The following SURF6 variants were observed in gnomAD, a reference collection of about 807,000 sequenced individuals.
SURF6 encodes the protein surfeit locus protein 6.
SURF6 carries 28 observed loss-of-function variants against 37.5 expected under a neutral mutation model. That is an observed-to-expected ratio of 0.75 (90% CI 0.55 to 1.02). The LOEUF (loss-of-function observed/expected upper bound fraction) is 1.02. Among genes scored for constraint, SURF6 ranks in the 50% least tolerant of loss-of-function variants. The pLI, the probability that SURF6 is intolerant of heterozygous loss-of-function variation, is 0.00. For missense variants in SURF6, 560 were observed against 490.5 expected, an observed-to-expected ratio of 1.14 and a Z score of -1.34; for synonymous variants, 248 against 210.9, an observed-to-expected ratio of 1.18 and a Z score of -1.52.
rs935231442 is a variant in SURF6, at chr9:133,331,993, C to T, written c.962G>A (p.Arg321His). 10 of 1,598,726 alleles carry T rather than the reference C, an allele frequency of 6.3e-6. No individual in the cohort carries two copies. Among genetic ancestry groups the T allele is most frequent in the Non-Finnish European group, 8.5e-6 (10 of 1,178,878 alleles). Residue 321 changes from arginine (R) to histidine (H), a missense_variant, in exon 5 of 5, where the codon CGC becomes CAC. Transcript: ENST00000372022. The stretch of plus-strand genomic sequence containing the variant: ...CAGGTTCTGCCGCCGCCGGTCCTGG[C>T]GCTGCTGCATCTTCTCCACCACGCC... ...TAGVVEKMQQ[R>H]QDRRRQNLRR... is the part of the protein sequence containing the mutation.
chr9:133,329,825 C>A lies in SURF6; in HGVS notation c.*2044G>T, dbSNP rs1034283532. The stretch of plus-strand genomic sequence containing the variant: ...TTGCCTCGGCGCCTGGGTGGCTTGC[C>A]GCCCACAGGTATTTGGTAACTTCCC... On this transcript the variant is annotated 3_prime_UTR_variant, in exon 5 of 5. Transcript: ENST00000372022. 2 of 152,156 alleles carry A rather than the reference C, an allele frequency of 1.3e-5. No individual in the cohort carries two copies. Among genetic ancestry groups the A allele is most frequent in the Admixed American group, 1.3e-4 (2 of 15,278 alleles). The allele number at this position is 152,156 out of a possible 1,614,324, so 9.4% of individuals were successfully genotyped here. A position where few individuals can be genotyped will look rare whatever the true frequency, so the allele number is the denominator to read the frequency against.
rs1444852605 is a variant in SURF6, at chr9:133,331,500, G to A, written c.*369C>T. On this transcript the variant is annotated 3_prime_UTR_variant, in exon 5 of 5. Transcript: ENST00000372022. ...AGCAGAGGCCACCGTCTTCTGTCCC[G>A]TGGCTCCTGCGAACACAGGCAGTGG... The A allele has an allele frequency of 1.8e-5, 4 of 226,106 alleles. No homozygotes were observed. The highest frequency in any genetic ancestry group is 9.1e-5 in the East Asian group (1 of 11,046). 14.0% of individuals were successfully genotyped at this position (226,106 alleles called of 1,614,324 possible).
chr9:133,335,613 T>C (rs1271775015), intron 1 of SURF6, among the ~76,000 whole-genome samples: 2 of 149,982 alleles, frequency 1.3e-5, no homozygotes, highest in African/African-American at 4.9e-5. Context: ...CCCTCTGCCA[T>C]CCTCCTCCTC....
In SURF6 at chr9:133,329,571, CTT is replaced by C. The variant is rs2129903251; in HGVS notation, c.*2296_*2297del. ...CCGGGCATAACAGAAGGCTCGCACT[CTT>C]GTCTTCTGGTCACACCTATGTCCCC... On this transcript the variant is annotated 3_prime_UTR_variant, in exon 5 of 5. Transcript: ENST00000372022. 13 of 163,992 alleles carry C rather than the reference CTT, an allele frequency of 7.9e-5. No homozygotes were observed. Among genetic ancestry groups the C allele is most frequent in the African/African-American group, 2.9e-4 (12 of 41,780 alleles). 10.2% of individuals were successfully genotyped at this position (163,992 alleles called of 1,614,324 possible). A position where few individuals can be genotyped will look rare whatever the true frequency, so the allele number is the denominator to read the frequency against.
rs1835653457 is a variant in SURF6, at chr9:133,328,998, T to TGC, written c.*2870_*2871insGC. The stretch of plus-strand genomic sequence containing the variant: ...TAGTGGCCCCGAATGTCTGGCTGCA[T>TGC]TGTTATTTATTGGATACAAAGCAAA... On this transcript the variant is annotated 3_prime_UTR_variant, in exon 5 of 5. Coordinates refer to ENST00000372022, the MANE Select transcript of SURF6 (RefSeq NM_006753.6). The TGC allele has an allele frequency of 6.5e-6, 1 of 154,516 alleles. No homozygotes were observed. The highest frequency in any genetic ancestry group is 2.4e-5 in the African/African-American group (1 of 41,456). 9.6% of individuals were successfully genotyped at this position (154,516 alleles called of 1,614,324 possible). A position where few individuals can be genotyped will look rare whatever the true frequency, so the allele number is the denominator to read the frequency against.
rs1365584708 is a variant in SURF6, at chr9:133,331,782, G to A, written c.*87C>T. 1.4e-6 allele frequency: 2 copies of A among 1,450,296 alleles called. No homozygotes were observed. Among genetic ancestry groups the A allele is most frequent in the South Asian group, 1.5e-5 (1 of 67,690 alleles). 89.8% of individuals were successfully genotyped at this position (1,450,296 alleles called of 1,614,324 possible). ...ACATGGAGAGGCCGAGGTCTGTGGA[G>A]ATCCTGGGACAGAGCCAGCGTCAAG... is the stretch of plus-strand genomic sequence containing the variant. On this transcript the variant is annotated 3_prime_UTR_variant, in exon 5 of 5. Transcript: ENST00000372022.
At chr9:133,332,884 C>T in intron 3 of SURF6, 124 bp from the exon 4 acceptor site, 3 of 895,820 alleles carry the variant, frequency 3.3e-6, no homozygotes, top group Non-Finnish European at 5.1e-6. Flanking sequence ...AACAAGGGGC[C>T]CGCGGAGTTC....
intron 1 of SURF6, among the ~76,000 whole-genome samples, chr9:133,335,747 G>T (rs1177061076): frequency 6.6e-6 from 1 of 151,946 alleles, no homozygotes; most frequent in Non-Finnish European, 1.5e-5. Context: ...GTGGTGGCGG[G>T]CGCCTGTAGT....
chr9:133,332,338 C>G lies in SURF6; in HGVS notation c.617G>C (p.Ser206Thr), dbSNP rs2129917838. ...CGCCTTGCTGGCCGGCTCGTCTTCG[C>G]TCACCTCCACCTGGGAGGAAGGTAT... ...PGLIFNKVEV[S>T]EDEPASKAQR... Residue 206 changes from serine to threonine, a missense_variant, in exon 5 of 5, where the codon AGC (serine) becomes ACC (threonine). Coordinates refer to ENST00000372022, the MANE Select transcript of SURF6 (RefSeq NM_006753.6). The G allele has an allele frequency of 1.4e-5, 22 of 1,578,766 alleles. No individual in the cohort carries two copies. The highest frequency in any genetic ancestry group is 1.7e-5 in the Non-Finnish European group (20 of 1,164,730).
Position 133,333,718 on chromosome 9 carries a change from C to G in SURF6, c.393G>C (p.Gln131His), listed in dbSNP as rs2129924387. The change falls in exon 3 of 5, where the codon CAG (glutamine) becomes CAC (histidine). Residue 131 changes from glutamine (Q) to histidine (H), a missense_variant and splice_region_variant. By Grantham distance (24) the Gln-to-His change is conservative (BLOSUM62 0). Transcript: ENST00000372022. The part of the protein sequence containing the change: ...LHEKIQEARG[Q>H]GSAKELSPAA... Reference sequence around the variant, plus strand: ...CACTCCAGCAAACCTGCCCGCCTACCTGGCCCCGGGCCTCCTGGATCTTCT... The same window carrying G: ...CACTCCAGCAAACCTGCCCGCCTACGTGGCCCCGGGCCTCCTGGATCTTCT... 1 of 1,613,834 alleles carries G rather than the reference C, an allele frequency of 6.2e-7. No homozygotes were observed. The highest frequency in any genetic ancestry group is 1.7e-5 in the Admixed American group (1 of 60,004).
Position 133,331,919 on chromosome 9 carries a change from T to C in SURF6, c.1036A>G (p.Lys346Glu). The C allele has an allele frequency of 1.3e-6, 2 of 1,565,468 alleles. No individual in the cohort carries two copies. The highest frequency in any genetic ancestry group is 1.7e-6 in the Non-Finnish European group (2 of 1,166,584). Residue 346 changes from lysine (K) to glutamate (E), a missense_variant, in exon 5 of 5, where the codon AAG (lysine) becomes GAG (glutamate). Lys to Glu is a moderately conservative substitution (Grantham distance 56). Coordinates refer to ENST00000372022, the MANE Select transcript of SURF6 (RefSeq NM_006753.6). ...RAERRLLRAR[K>E]KGRILPQDLE... is the part of the protein sequence containing the mutation. ...TCCTGCGGCAGGATGCGGCCCTTCT[T>C]GCGGGCTCTGAGCAGGCGGCGCTCG...
chr9:133,330,650 T>C lies in SURF6; in HGVS notation c.*1219A>G, dbSNP rs1236814423. The C allele has an allele frequency of 6.6e-6, 1 of 151,956 alleles. No homozygotes were observed. The highest frequency in any genetic ancestry group is 6.6e-5 in the Admixed American group (1 of 15,244). The allele number at this position is 151,956 out of a possible 1,614,324, so 9.4% of individuals were successfully genotyped here. ...ATAAGTGTGTTTTAAAAATTCCAAA[T>C]ATGAAATGCCACTGCACTCCAGCCT... On this transcript the variant is annotated 3_prime_UTR_variant, in exon 5 of 5. Coordinates refer to ENST00000372022, the MANE Select transcript of SURF6 (RefSeq NM_006753.6).
intron 3 of SURF6, 52 bp from the exon 4 acceptor site, chr9:133,332,812 C>A (rs2129921662): frequency 1.3e-6 from 2 of 1,556,502 alleles, no homozygotes; most frequent in Non-Finnish European, 1.8e-6. Context: ...CCAGGGTCCC[C>A]CAGCCTGGCC....
At chr9:133,332,929 G>A (rs1025090801) in intron 3 of SURF6, 169 bp from the exon 4 acceptor site, 2 of 643,522 alleles carry the variant, frequency 3.1e-6, no homozygotes, top group South Asian at 2.0e-5. Context: ...AAAAGCAAAT[G>A]ACCCCAAAAG....
At position 133,331,878 on chromosome 9, in the gene SURF6, G is replaced by A; in HGVS notation, c.1077C>T (p.Gly359=). 6.6e-7 allele frequency: 1 copy of A among 1,515,524 alleles called. No individual in the cohort carries two copies. Among genetic ancestry groups the A allele is most frequent in the Non-Finnish European group, 8.7e-7 (1 of 1,143,830 alleles). The allele number at this position is 1,515,524 out of a possible 1,614,324, so 93.9% of individuals were successfully genotyped here. The change falls in exon 5 of 5, where the codon GGC becomes GGT. Residue 359 remains glycine (G), a synonymous_variant. Transcript: ENST00000372022. The part of the protein sequence containing the change: ...RILPQDLERA[G]LV ...CCCAGGTGGGAAAGACTCAGACCAGGCCTGCGCGCTCCAGGTCCTGCGGCA... is the reference window on the plus strand; with the variant it reads ...CCCAGGTGGGAAAGACTCAGACCAGACCTGCGCGCTCCAGGTCCTGCGGCA...
Position 133,329,731 on chromosome 9 carries a change from A to G in SURF6, c.*2138T>C, listed in dbSNP as rs971518948. 6.6e-6 allele frequency: 1 copy of G among 152,238 alleles called. No individual in the cohort carries two copies. The highest frequency in any genetic ancestry group is 1.5e-5 in the Non-Finnish European group (1 of 68,068). The allele number at this position is 152,238 out of a possible 1,614,324, so 9.4% of individuals were successfully genotyped here. ...ATATTCATATGTAATCATATCTAAG[A>G]TCTATATCTGCTGTAACTATTCTTG... On this transcript the variant is annotated 3_prime_UTR_variant, in exon 5 of 5. Coordinates refer to ENST00000372022, the MANE Select transcript of SURF6 (RefSeq NM_006753.6).
rs2129916801 is a variant in SURF6 at position 133,332,253 on chromosome 9, C to T, written c.702G>A (p.Arg234=). The stretch of plus-strand genomic sequence containing the variant: ...GGCGCTCCAGCAGCTGCCGGTAGTT[C>T]CTCCCGGTCAGCGGCGTGAGGTTCC... ...VKGNLTPLTG[R]NYRQLLERLQ... Residue 234 remains arginine (R), a synonymous_variant, in exon 5 of 5, where the codon AGG becomes AGA. Coordinates refer to ENST00000372022, the MANE Select transcript of SURF6 (RefSeq NM_006753.6). The T allele has an allele frequency of 3.1e-6, 5 of 1,604,182 alleles. No individual in the cohort carries two copies. The highest frequency in any genetic ancestry group is 4.2e-6 in the Non-Finnish European group (5 of 1,179,644).
intron 3 of SURF6, chr9:133,333,004 T>C: frequency 1.7e-6 from 1 of 577,704 alleles, no homozygotes; most frequent in Non-Finnish European, 3.1e-6. Flanking sequence ...CGTGCCAGGA[T>C]ACATTACGCA....
In SURF6 at chr9:133,331,854, C is replaced by A; in HGVS notation, c.*15G>T. ...TCTCCTAGGACGGAAGACGGCGGCC[C>A]CAGGTGGGAAAGACTCAGACCAGGC... is the stretch of plus-strand genomic sequence containing the variant. On this transcript the variant is annotated 3_prime_UTR_variant, in exon 5 of 5. Transcript: ENST00000372022. The A allele has an allele frequency of 4.0e-6, 6 of 1,497,342 alleles. No individual in the cohort carries two copies. Among genetic ancestry groups the A allele is most frequent in the Non-Finnish European group, 5.3e-6 (6 of 1,133,636 alleles). The allele number at this position is 1,497,342 out of a possible 1,614,324, so 92.8% of individuals were successfully genotyped here.
Sources: allele counts gnomAD v4.1 joint callset (sites outside exome capture counted in the v4.1 genomes callset), GRCh38; gene constraint gnomAD v4.1.1; transcripts MANE v1.5; gene names NCBI Gene and HGNC (gene_info 2026-07-23, HGNC 2026-07-21).